PLXDC2: variants seen among roughly 807,000 people sequenced by gnomAD.
PLXDC2 encodes the protein plexin domain-containing protein 2.
In PLXDC2, 40 loss-of-function variants were observed where a neutral mutation model predicts 68.9. That is an observed-to-expected ratio of 0.58 (90% CI 0.45 to 0.76). The LOEUF is 0.76. Ranked by LOEUF, PLXDC2 falls within the 30% of genes least tolerant of loss-of-function variation. PLXDC2 has a pLI of 0.00. For synonymous variants in PLXDC2, 243 were observed against 234.2 expected, an observed-to-expected ratio of 1.04 and a Z score of -0.34; for missense variants, 644 against 661.9, an observed-to-expected ratio of 0.97 and a Z score of 0.30.
At chr10:19,839,915 C>A (rs1473461379) in intron 1 of PLXDC2, among the ~76,000 whole-genome samples, 1 of 152,156 alleles carries the variant, frequency 6.6e-6, no homozygotes, top group East Asian at 1.9e-4. Context: ...TTTAGATCTT[C>A]AAACAATCTA....
intron 1 of PLXDC2, among the ~76,000 whole-genome samples, chr10:19,979,365 A>G (rs1834510614): frequency 6.6e-6 from 1 of 150,638 alleles, no homozygotes; most frequent in Non-Finnish European, 1.5e-5. Context: ...CTGTCTATCA[A>G]TAGATAGATA....
chr10:20,083,909 T>A lies in PLXDC2; in HGVS notation c.541+15670T>A, dbSNP rs575502795. On this transcript the variant is annotated intron_variant, in intron 4 of 13. Coordinates refer to ENST00000377252, the MANE Select transcript of PLXDC2 (RefSeq NM_032812.9). The stretch of plus-strand genomic sequence containing the variant: ...TGAAAGAAGGACAGAAAAAAGATTT[T>A]CATGATTCTTGGTTGAAATGTAACA... Among the ~76,000 whole-genome samples the A allele has an allele frequency of 7.2e-5, 11 of 152,350 alleles. No individual in the cohort carries two copies. The South Asian group carries it at 2.1e-3, about 29-fold the overall frequency.
At chr10:20,051,396 AT>A (rs1835896617) in intron 3 of PLXDC2, among the ~76,000 whole-genome samples, 3 of 606 alleles carry the variant, frequency 5.0e-3, no homozygotes, top group East Asian at 0.17. Flanking sequence ...TAAAGGTTAA[AT>A]ATATATATAT....
chr10:19,894,364 C>T (rs557935468), intron 1 of PLXDC2, among the ~76,000 whole-genome samples: 5 of 151,724 alleles, frequency 3.3e-5, no homozygotes, highest in Non-Finnish European at 7.4e-5. Context: ...TCCTATATGC[C>T]CTGGTGCCAT....
chr10:20,024,215 A>C (rs545827640), intron 2 of PLXDC2, among the ~76,000 whole-genome samples: 1 of 152,232 alleles, frequency 6.6e-6, no homozygotes, highest in Non-Finnish European at 1.5e-5. Flanking sequence ...ACTCTAAGCC[A>C]TCACAAGTTT....
chr10:20,200,586 G>A (rs1223695266), intron 9 of PLXDC2, among the ~76,000 whole-genome samples: 1 of 151,960 alleles, frequency 6.6e-6, no homozygotes, highest in Non-Finnish European at 1.5e-5. Flanking sequence ...AAACAGCAAA[G>A]TGAGAAAACC....
chr10:20,087,413 T>G (rs1833214632), intron 4 of PLXDC2, among the ~76,000 whole-genome samples: 1 of 152,228 alleles, frequency 6.6e-6, no homozygotes, highest in South Asian at 2.1e-4. Context: ...TTTGCCAAGT[T>G]GTCCATTTCC....
intron 9 of PLXDC2, among the ~76,000 whole-genome samples, chr10:20,207,712 T>A (rs1224427782): frequency 6.6e-6 from 1 of 152,156 alleles, no homozygotes; most frequent in Non-Finnish European, 1.5e-5. Context: ...CATCAAAATC[T>A]CATTGGGTAA....
intron 1 of PLXDC2, among the ~76,000 whole-genome samples, chr10:19,864,607 GGGAGAAGAT>G (rs1489300476): frequency 6.6e-6 from 1 of 152,150 alleles, no homozygotes; most frequent in Non-Finnish European, 1.5e-5. Context: ...TTGGCAAAAT[GGGAGAAGAT>G]GGACCCTAGA....
intron 4 of PLXDC2, among the ~76,000 whole-genome samples, chr10:20,078,338 A>G (rs929236384): frequency 6.6e-6 from 1 of 152,170 alleles, no homozygotes; most frequent in African/African-American, 2.4e-5. Context: ...AGCTACGATT[A>G]TGCCACTGCA....
At chr10:20,000,301 C>G (rs1485206094) in intron 1 of PLXDC2, among the ~76,000 whole-genome samples, 1 of 149,572 alleles carries the variant, frequency 6.7e-6, no homozygotes, top group Non-Finnish European at 1.5e-5. Context: ...TTTTTTTAGC[C>G]TCTAACAATT....
chr10:20,085,741 A>G (rs566472147), intron 4 of PLXDC2, among the ~76,000 whole-genome samples: 1 of 152,258 alleles, frequency 6.6e-6, no homozygotes, highest in South Asian at 2.1e-4. Flanking sequence ...CATTTTTTCA[A>G]CACCTCCCTC....
At chr10:20,120,964 C>T (rs11815587) in intron 4 of PLXDC2, among the ~76,000 whole-genome samples, 8,516 of 151,960 alleles carry the variant, frequency 0.056, 389 homozygotes, top group African/African-American at 0.13. Context: ...GAAGGAAATA[C>T]GGGGAAATGG....
intron 4 of PLXDC2, among the ~76,000 whole-genome samples, chr10:20,119,569 A>G (rs1020845994): frequency 6.8e-6 from 1 of 147,754 alleles, no homozygotes; most frequent in South Asian, 2.3e-4. Flanking sequence ...GTCACAGGGA[A>G]TATGATGGCT....
intron 2 of PLXDC2, among the ~76,000 whole-genome samples, chr10:20,024,904 T>G (rs924880269): frequency 6.6e-6 from 1 of 152,198 alleles, no homozygotes; most frequent in African/African-American, 2.4e-5. Flanking sequence ...GATTTCATTC[T>G]TTTTCATGGT....
At chr10:19,849,348 T>A (rs1042314357) in intron 1 of PLXDC2, among the ~76,000 whole-genome samples, 1 of 152,056 alleles carries the variant, frequency 6.6e-6, no homozygotes, top group African/African-American at 2.4e-5. Context: ...GTCACCAAAT[T>A]TTTTAATGAA....
intron 1 of PLXDC2, among the ~76,000 whole-genome samples, chr10:19,871,459 GCTAAAAGTC>G (rs1837532634): frequency 1.3e-5 from 2 of 152,236 alleles, no homozygotes; most frequent in African/African-American, 4.8e-5. Flanking sequence ...AATTCTTTGA[GCTAAAAGTC>G]CTTTCCAAAT....
intron 1 of PLXDC2, among the ~76,000 whole-genome samples, chr10:19,984,122 A>G (rs573350069): frequency 6.6e-6 from 1 of 152,306 alleles, no homozygotes; most frequent in South Asian, 2.1e-4. Context: ...TATTTCCTAT[A>G]TGGGTATAAT....
chr10:20,075,970 G>C (rs1287441748), intron 4 of PLXDC2, among the ~76,000 whole-genome samples: 1 of 152,126 alleles, frequency 6.6e-6, no homozygotes, highest in Admixed American at 6.5e-5. Flanking sequence ...GCACATCCAG[G>C]CTTTATTGGA....
Sources: allele counts gnomAD v4.1 joint callset (sites outside exome capture counted in the v4.1 genomes callset), GRCh38; gene constraint gnomAD v4.1.1; transcripts MANE v1.5; gene names NCBI Gene and HGNC (gene_info 2026-07-23, HGNC 2026-07-21).